ASCC2: variants seen among roughly 807,000 people sequenced by gnomAD.
ASCC2 encodes ASC-1 complex subunit P100.
ASCC2 carries 42 observed loss-of-function variants against 93.5 expected under a neutral mutation model. That is an observed-to-expected ratio of 0.45 (90% CI 0.35 to 0.58). The LOEUF is 0.58. Among genes scored for constraint, ASCC2 ranks in the 20% least tolerant of loss-of-function variants. The pLI, the probability that ASCC2 is intolerant of heterozygous loss-of-function variation, is 0.00. For missense variants in ASCC2, 859 were observed against 977.6 expected (o/e 0.88, Z 1.62); for synonymous variants, 364 against 384.2 (o/e 0.95, Z 0.62).
chr22:29,819,307 C>T (rs371613391), intron 5 of ASCC2, among the ~76,000 whole-genome samples: 1 of 152,062 alleles, frequency 6.6e-6, no homozygotes, highest in Non-Finnish European at 1.5e-5. Flanking sequence ...ATTACAGGTG[C>T]CTGCCACCAT....
At chr22:29,794,453 C>T (rs1348140491) in intron 15 of ASCC2, among the ~76,000 whole-genome samples, 2 of 151,978 alleles carry the variant, frequency 1.3e-5, no homozygotes. Flanking sequence ...GATCACGCCA[C>T]TGCACTCCAG....
At chr22:29,793,218 G>A in intron 17 of ASCC2, 142 bp downstream of exon 17, 1 of 1,165,440 alleles carries the variant, frequency 8.6e-7, no homozygotes, top group Non-Finnish European at 1.2e-6. Context: ...GGTGGGCTGG[G>A]GTGGAGGAGC....
Position 29,792,454 on chromosome 22 carries a change from A to ATCG in ASCC2, c.1998_2000dup (p.Asp667dup). 1 of 1,613,906 alleles carries ATCG rather than the reference A, an allele frequency of 6.2e-7. No individual in the cohort carries two copies. Among genetic ancestry groups the ATCG allele is most frequent in the Non-Finnish European group, 8.5e-7 (1 of 1,179,908 alleles). The stretch of plus-strand genomic sequence containing the variant: ...GTACCTTGGGAGCCTCCTCGTCAGC[A>ATCG]TCGTCTTCCTCATCGTCGTCATCCT... On this transcript the variant is annotated inframe_insertion, in exon 18 of 20. Transcript: ENST00000307790.
chr22:29,835,325 G>A (rs1357832558), intron 1 of ASCC2, among the ~76,000 whole-genome samples: 1 of 151,816 alleles, frequency 6.6e-6, no homozygotes, highest in African/African-American at 2.4e-5. Flanking sequence ...TTGAGCCCAG[G>A]AGATCAAGGC....
chr22:29,797,994 T>C (rs1037866082), intron 15 of ASCC2, among the ~76,000 whole-genome samples: 10 of 152,180 alleles, frequency 6.6e-5, no homozygotes, highest in African/African-American at 1.9e-4. Context: ...TTTGAACTCC[T>C]GACCTCAGGT....
intron 15 of ASCC2, among the ~76,000 whole-genome samples, chr22:29,795,924 A>AT (rs2147473146): frequency 6.6e-6 from 1 of 152,100 alleles, no homozygotes; most frequent in African/African-American, 2.4e-5. Flanking sequence ...GGGTAAGATA[A>AT]TAAAAAAAAA....
intron 15 of ASCC2, among the ~76,000 whole-genome samples, chr22:29,795,307 C>T (rs894879834): frequency 1.3e-5 from 2 of 152,170 alleles, no homozygotes; most frequent in Non-Finnish European, 2.9e-5. Flanking sequence ...AAGTGATCCT[C>T]TGCTTCAGCC....
At position 29,838,244 on chromosome 22, in the gene ASCC2, C is replaced by G. The variant is rs565303806; in HGVS notation, c.-84G>C. ...GCCGCCGCCGACCACGGTGACAGCT[C>G]CCTGAGCGCCCGCACTTCCGGGGTC... On this transcript the variant is annotated 5_prime_UTR_variant, in exon 1 of 20. Coordinates refer to ENST00000307790, the MANE Select transcript of ASCC2 (RefSeq NM_032204.5). 1.3e-5 allele frequency: 6 copies of G among 449,712 alleles called. 1 individual carries two copies. The highest frequency in any genetic ancestry group is 1.2e-4 in the Admixed American group (5 of 41,624). 27.9% of individuals were successfully genotyped at this position (449,712 alleles called of 1,614,324 possible).
At chr22:29,802,261 G>A in intron 13 of ASCC2, 53 bp from the exon 14 acceptor site, 1 of 1,566,134 alleles carries the variant, frequency 6.4e-7, no homozygotes, top group Non-Finnish European at 8.8e-7. Context: ...CCGGTGATAG[G>A]GCCACAGGCC....
chr22:29,800,201 T>C (rs2058918882), intron 15 of ASCC2, among the ~76,000 whole-genome samples: 1 of 152,164 alleles, frequency 6.6e-6, no homozygotes, highest in Non-Finnish European at 1.5e-5. Context: ...AGCTTCTCCT[T>C]CCCTCCTTTG....
rs758544074 is a variant in ASCC2 at position 29,790,497 on chromosome 22, T to G, written c.2074A>C (p.Arg692=). The G allele has an allele frequency of 2.5e-6, 4 of 1,614,158 alleles. No individual in the cohort carries two copies. In the East Asian group the frequency reaches 8.9e-5, roughly 36 times the overall value. ...TTCTTGGCGAGAAAGGCCATGCGCC[T>G]GGCTTCTGCCTTCTCTCTCAGCACT... ...PAVLREKAEA[R]RMAFLAKKGY... Residue 692 remains arginine (R), a synonymous_variant, in exon 19 of 20, where the codon AGG becomes CGG. Coordinates refer to ENST00000307790, the MANE Select transcript of ASCC2 (RefSeq NM_032204.5).
At chr22:29,798,974 C>CCCAGGAACAAGGGCACAGTGTT (rs2058763400) in intron 15 of ASCC2, among the ~76,000 whole-genome samples, 1 of 152,246 alleles carries the variant, frequency 6.6e-6, no homozygotes. Flanking sequence ...CCCAGAGGGC[C>CCCAGGAACAAGGGCACAGTGTT]CCAGGAACAA....
intron 15 of ASCC2, among the ~76,000 whole-genome samples, chr22:29,798,562 T>G (rs1207870579): frequency 6.6e-6 from 1 of 152,202 alleles, no homozygotes; most frequent in African/African-American, 2.4e-5. Flanking sequence ...TTACACCGCC[T>G]TGTCATGCAA....
chr22:29,808,885 G>A (rs1404059251), intron 8 of ASCC2, among the ~76,000 whole-genome samples: 1 of 151,698 alleles, frequency 6.6e-6, no homozygotes, highest in Non-Finnish European at 1.5e-5. Flanking sequence ...CTGGGAGACC[G>A]AGATGGGTGG....
At chr22:29,827,531 C>T in intron 2 of ASCC2, 1 of 469,398 alleles carries the variant, frequency 2.1e-6, no homozygotes, top group Non-Finnish European at 4.4e-6. Flanking sequence ...TCAAGGCCAC[C>T]TCTCATGTGG....
chr22:29,822,716 CT>C lies in ASCC2; in HGVS notation c.412-253del, dbSNP rs748997801. On this transcript the variant is annotated intron_variant, in intron 4 of 19. Transcript: ENST00000307790. ...TTTACAACTGGCTGTATTATCATGTCTTTTTTTTTTTTTTTTTTTTTTGATA... is the reference window on the plus strand; with the variant it reads ...TTTACAACTGGCTGTATTATCATGTCTTTTTTTTTTTTTTTTTTTTTGATA... 8.8e-3 allele frequency among the ~76,000 whole-genome samples: 818 copies of C among 93,020 alleles called. 5 individuals carry two copies. Among genetic ancestry groups the C allele is most frequent in the East Asian group, 0.034 (105 of 3,086 alleles). 61.0% of individuals were successfully genotyped at this position (93,020 alleles called of 152,430 possible).
chr22:29,831,838 T>C (rs1337198490), intron 2 of ASCC2, among the ~76,000 whole-genome samples: 1 of 152,180 alleles, frequency 6.6e-6, no homozygotes, highest in Non-Finnish European at 1.5e-5. Context: ...ACCTCTGAAA[T>C]CAGCGTTCCC....
intron 8 of ASCC2, among the ~76,000 whole-genome samples, chr22:29,811,770 C>T (rs936323060): frequency 6.6e-6 from 1 of 152,232 alleles, no homozygotes; most frequent in African/African-American, 2.4e-5. Flanking sequence ...CTTATCCCTT[C>T]CCCATCTCCA....
chr22:29,806,531 T>C lies in ASCC2; in HGVS notation c.1039A>G (p.Ile347Val). The change falls in exon 11 of 20, where the codon ATC (isoleucine) becomes GTC (valine). Residue 347 changes from isoleucine (I) to valine (V), a missense_variant. Transcript: ENST00000307790. Reference sequence around the variant, plus strand: ...CTGAAGATCTGAAGGAACTCTTCGATGAAGCCCTGAATGTTGTCACAGCTA... The same window carrying C: ...CTGAAGATCTGAAGGAACTCTTCGACGAAGCCCTGAATGTTGTCACAGCTA... ...ESSCDNIQGF[I>V]EEFLQIFSSL... 2 of 1,613,868 alleles carry C rather than the reference T, an allele frequency of 1.2e-6. No homozygotes were observed. The highest frequency in any genetic ancestry group is 1.7e-5 in the Admixed American group (1 of 59,984).
Sources: allele counts gnomAD v4.1 joint callset (sites outside exome capture counted in the v4.1 genomes callset), GRCh38; gene constraint gnomAD v4.1.1; transcripts MANE v1.5; gene names NCBI Gene and HGNC (gene_info 2026-07-23, HGNC 2026-07-21).